The following KIAA1328 variants were observed in gnomAD, a reference collection of about 807,000 sequenced individuals.
The protein encoded by KIAA1328 is protein hinderin.
KIAA1328 carries 52 observed loss-of-function variants against 68.1 expected under a neutral mutation model. The observed-to-expected ratio is 0.76, with a 90% CI of 0.61 to 0.96. The LOEUF (loss-of-function observed/expected upper bound fraction) is 0.96. Ranked by LOEUF, KIAA1328 falls within the 40% of genes least tolerant of loss-of-function variation. The pLI, the probability that KIAA1328 is intolerant of heterozygous loss-of-function variation, is 0.00. For missense variants in KIAA1328, 641 were observed against 677.6 expected, an observed-to-expected ratio of 0.95 and a Z score of 0.60; for synonymous variants, 232 against 239.4, an observed-to-expected ratio of 0.97 and a Z score of 0.28.
chr18:37,090,762 A>G (rs2057244194), intron 7 of KIAA1328, among the ~76,000 whole-genome samples: 1 of 152,166 alleles, frequency 6.6e-6, no homozygotes. Context: ...TTTTTGTCAT[A>G]ATTATTTAAA....
In KIAA1328 at chr18:37,148,376, A is replaced by G. The variant is rs149308081; in HGVS notation, c.1233-11824A>G. Among the ~76,000 whole-genome samples the G allele has an allele frequency of 7.3e-4, 111 of 152,298 alleles. No individual in the cohort carries two copies. The East Asian group carries it at 8.5e-3, about 12-fold the overall frequency. On this transcript the variant is annotated intron_variant, in intron 7 of 9. Transcript: ENST00000280020. ...CCACATTTTCTTTATCCAGTCTATC[A>G]TTGATGGGCATTTGGGTTGATTCCA...
At chr18:37,071,038 G>C (rs963277502) in intron 7 of KIAA1328, among the ~76,000 whole-genome samples, 17 of 57,002 alleles carry the variant, frequency 3.0e-4, no homozygotes, top group African/African-American at 8.2e-4. Flanking sequence ...TTCCTTTTTT[G>C]TTTTTGATTT....
intron 3 of KIAA1328, among the ~76,000 whole-genome samples, chr18:36,843,651 ATTAATAC>A (rs1245215007): frequency 2.6e-5 from 4 of 152,314 alleles, no homozygotes; most frequent in African/African-American, 4.8e-5. Flanking sequence ...AATAGTAACT[ATTAATAC>A]TTAATAGCGT....
intron 5 of KIAA1328, among the ~76,000 whole-genome samples, chr18:36,940,698 A>G (rs2050676954): frequency 7.3e-6 from 1 of 137,364 alleles, no homozygotes; most frequent in African/African-American, 2.7e-5. Flanking sequence ...TTTTTTTGAG[A>G]CGGAGTCTCG....
At chr18:36,862,926 GT>G (rs1348073967) in intron 4 of KIAA1328, among the ~76,000 whole-genome samples, 1 of 152,020 alleles carries the variant, frequency 6.6e-6, no homozygotes, top group Non-Finnish European at 1.5e-5. Flanking sequence ...GTTGGACATT[GT>G]TTCATGTGCT....
At chr18:37,168,155 C>T (rs1363484796) in intron 8 of KIAA1328, among the ~76,000 whole-genome samples, 2 of 152,184 alleles carry the variant, frequency 1.3e-5, no homozygotes, top group Non-Finnish European at 2.9e-5. Context: ...TTGACAAAAT[C>T]CAACATTCTT....
chr18:36,844,350 C>T, intron 4 of KIAA1328, 48 bp downstream of exon 4: 1 of 1,249,622 alleles, frequency 8.0e-7, no homozygotes, highest in Non-Finnish European at 1.1e-6. Flanking sequence ...AAAGACAACT[C>T]TTATTGAAAA....
chr18:37,135,566 T>G (rs541857741), intron 7 of KIAA1328, among the ~76,000 whole-genome samples: 87 of 152,300 alleles, frequency 5.7e-4, no homozygotes, highest in African/African-American at 2.1e-3. Context: ...GTTTTAGCTC[T>G]CTATAGATTC....
At chr18:37,032,389 T>C (rs1460755167) in intron 6 of KIAA1328, among the ~76,000 whole-genome samples, 2 of 152,262 alleles carry the variant, frequency 1.3e-5, no homozygotes, top group South Asian at 2.1e-4. Context: ...ATATTGCTTG[T>C]ATTTACATTT....
At chr18:37,002,523 G>A (rs1427174751) in intron 6 of KIAA1328, among the ~76,000 whole-genome samples, 2 of 151,676 alleles carry the variant, frequency 1.3e-5, no homozygotes, top group Non-Finnish European at 2.9e-5. Flanking sequence ...CTGGCAGGTA[G>A]CAGTAATGAT....
chr18:36,898,667 G>A (rs55895201), intron 5 of KIAA1328, among the ~76,000 whole-genome samples: 20,582 of 151,870 alleles, frequency 0.14, 1,731 homozygotes, highest in Admixed American at 0.18. Flanking sequence ...TAGTGACGCC[G>A]CAGATTATAG....
intron 6 of KIAA1328, among the ~76,000 whole-genome samples, chr18:37,058,500 C>CCA (rs1420056827): frequency 6.6e-6 from 1 of 152,058 alleles, no homozygotes; most frequent in African/African-American, 2.4e-5. Flanking sequence ...GTTGCCTGTG[C>CCA]TCAGGAGTTT....
intron 6 of KIAA1328, among the ~76,000 whole-genome samples, chr18:37,004,888 G>T (rs748017394): frequency 5.3e-5 from 8 of 151,980 alleles, no homozygotes; most frequent in Non-Finnish European, 1.0e-4. Flanking sequence ...AATAAATTGT[G>T]ATATATGTAT....
At chr18:37,229,639 C>T (rs1026806471), downstream of KIAA1328, 2 of 999,732 alleles carry the variant, frequency 2.0e-6, no homozygotes, top group Non-Finnish European at 2.7e-6. Flanking sequence ...CTTTGGGAGG[C>T]CGAGGCAGCC....
At chr18:36,835,857 C>CAA (rs2046655773) in intron 3 of KIAA1328, among the ~76,000 whole-genome samples, 1 of 152,052 alleles carries the variant, frequency 6.6e-6, no homozygotes, top group Admixed American at 6.6e-5. Context: ...TTATATTTTC[C>CAA]CTCTGCAACC....
At chr18:37,133,811 A>G (rs1568448849) in intron 7 of KIAA1328, among the ~76,000 whole-genome samples, 1 of 152,108 alleles carries the variant, frequency 6.6e-6, no homozygotes, top group Non-Finnish European at 1.5e-5. Context: ...GGTGTGAGCC[A>G]TTACTCCCGG....
At chr18:36,953,919 A>G (rs974254178) in intron 5 of KIAA1328, among the ~76,000 whole-genome samples, 1 of 151,290 alleles carries the variant, frequency 6.6e-6, no homozygotes, top group South Asian at 2.1e-4. Flanking sequence ...CTTTTCCCCT[A>G]TGACACTGAC....
chr18:37,199,970 G>A (rs925260839), intron 9 of KIAA1328, among the ~76,000 whole-genome samples: 6 of 152,222 alleles, frequency 3.9e-5, no homozygotes, highest in East Asian at 1.9e-4. Context: ...ATGCTGAACC[G>A]TGAAATTTAA....
chr18:36,981,244 A>T (rs2052673751), intron 6 of KIAA1328, among the ~76,000 whole-genome samples: 1 of 152,146 alleles, frequency 6.6e-6, no homozygotes, highest in Non-Finnish European at 1.5e-5. Flanking sequence ...CTCCACACTG[A>T]TTCAACAAAT....
Sources: allele counts gnomAD v4.1 joint callset (sites outside exome capture counted in the v4.1 genomes callset), GRCh38; gene constraint gnomAD v4.1.1; transcripts MANE v1.5; gene names NCBI Gene and HGNC (gene_info 2026-07-23, HGNC 2026-07-21).